MSI2: variants seen among roughly 807,000 people sequenced by gnomAD.
MSI2 encodes musashi RNA binding protein 2.
Under a neutral mutation model 45.6 loss-of-function variants are expected in MSI2, and 17 were observed. The ratio of observed to expected loss-of-function variants is 0.37; its 90% confidence interval spans 0.26 to 0.56. The LOEUF (loss-of-function observed/expected upper bound fraction) is 0.56. Among genes scored for constraint, MSI2 ranks in the 20% least tolerant of loss-of-function variants. The pLI is 0.77. For missense variants in MSI2, 293 were observed against 444.2 expected (o/e 0.66, Z 3.06); for synonymous variants, 156 against 158.2 (o/e 0.99, Z 0.11).
At chr17:57,566,044 C>G (rs1326615663) in intron 7 of MSI2, 1 of 152,160 alleles carries the variant, frequency 6.6e-6, no homozygotes, top group African/African-American at 2.4e-5. Flanking sequence ...CAAGAGAAAT[C>G]GGGGGCTGTG....
At chr17:57,325,721 G>A (rs1312606036) in intron 5 of MSI2, among the ~76,000 whole-genome samples, 5 of 152,196 alleles carry the variant, frequency 3.3e-5, no homozygotes, top group Non-Finnish European at 7.3e-5. Flanking sequence ...TCCTCTGCCT[G>A]TCCATTTACC....
chr17:57,679,643 T>C lies in MSI2; in HGVS notation c.*126T>C. Reference sequence around the variant, plus strand: ...AGACCTGGACCCCCACCAGCCTCACTCCCCATCCCAACCAGAGATGGCTCA... The same window carrying C: ...AGACCTGGACCCCCACCAGCCTCACCCCCCATCCCAACCAGAGATGGCTCA... On this transcript the variant is annotated 3_prime_UTR_variant, in exon 14 of 14. Transcript: ENST00000284073. 9.4e-7 allele frequency: 1 copy of C among 1,060,404 alleles called. No homozygotes were observed. The highest frequency in any genetic ancestry group is 1.1e-6 in the Non-Finnish European group (1 of 874,848). 65.7% of individuals were successfully genotyped at this position (1,060,404 alleles called of 1,614,324 possible).
intron 11 of MSI2, among the ~76,000 whole-genome samples, chr17:57,655,293 G>T (rs1911511839): frequency 6.6e-6 from 1 of 152,150 alleles, no homozygotes; most frequent in Non-Finnish European, 1.5e-5. Context: ...TCGAGAGTTT[G>T]TTTGTTTATT....
At chr17:57,442,282 G>A (rs1252403375) in intron 6 of MSI2, among the ~76,000 whole-genome samples, 2 of 152,130 alleles carry the variant, frequency 1.3e-5, no homozygotes, top group African/African-American at 2.4e-5. Context: ...TGATCTGCCC[G>A]CCTCAGCCTC....
chr17:57,343,505 T>G (rs528596977), intron 5 of MSI2, among the ~76,000 whole-genome samples: 1 of 152,274 alleles, frequency 6.6e-6, no homozygotes, highest in Admixed American at 6.5e-5. Context: ...AGGGAATAAT[T>G]GTACGCATTG....
chr17:57,279,511 C>T (rs561528505), intron 5 of MSI2: 2 of 152,404 alleles, frequency 1.3e-5, no homozygotes, highest in Non-Finnish European at 2.9e-5. Context: ...CAACAAATGT[C>T]TGGAGCTCCA....
At chr17:57,502,636 T>TAGAGAGAG (rs1439981218) in intron 6 of MSI2, among the ~76,000 whole-genome samples, 12 of 96,920 alleles carry the variant, frequency 1.2e-4, no homozygotes, top group Non-Finnish European at 1.9e-4. Flanking sequence ...TATATATATA[T>TAGAGAGAG]AGTCATCATT....
chr17:57,651,296 C>T (rs1042529757), intron 10 of MSI2, among the ~76,000 whole-genome samples: 4 of 152,218 alleles, frequency 2.6e-5, no homozygotes, highest in South Asian at 2.1e-4. Flanking sequence ...TCCAGGGACC[C>T]GTAGGAGACC....
chr17:57,572,357 G>A (rs1448530859), intron 7 of MSI2, among the ~76,000 whole-genome samples: 1 of 152,214 alleles, frequency 6.6e-6, no homozygotes, highest in Non-Finnish European at 1.5e-5. Flanking sequence ...GTGAGGACTT[G>A]CCATAGAAGC....
intron 6 of MSI2, among the ~76,000 whole-genome samples, chr17:57,520,820 A>AT (rs2086567979): frequency 3.1e-5 from 2 of 64,838 alleles, no homozygotes; most frequent in South Asian, 9.9e-4. Context: ...CACCCAACTA[A>AT]ATTTTTTTTT....
chr17:57,701,022 G>A, the MSI2 span, among the ~76,000 whole-genome samples: 6 of 152,170 alleles, frequency 3.9e-5, no homozygotes, highest in African/African-American at 1.4e-4. Context: ...GATGAGAATT[G>A]TCCTCCCCGG....
At chr17:57,643,075 GAC>G (rs1172941247) in intron 10 of MSI2, among the ~76,000 whole-genome samples, 2 of 152,174 alleles carry the variant, frequency 1.3e-5, no homozygotes, top group Non-Finnish European at 2.9e-5. Context: ...TTGCACCTCA[GAC>G]AGATTATATC....
chr17:57,640,546 A>G (rs1423782166), intron 10 of MSI2, among the ~76,000 whole-genome samples: 4 of 152,236 alleles, frequency 2.6e-5, no homozygotes, highest in African/African-American at 2.4e-5. Flanking sequence ...GCCCAACGCC[A>G]TCATCTCACT....
intron 6 of MSI2, among the ~76,000 whole-genome samples, chr17:57,437,782 T>A (rs1167240146): frequency 6.6e-6 from 1 of 152,160 alleles, no homozygotes; most frequent in African/African-American, 2.4e-5. Context: ...CCAAAATAAG[T>A]TAGTATCCTG....
intron 6 of MSI2, among the ~76,000 whole-genome samples, chr17:57,493,216 C>T (rs1200908677): frequency 1.3e-5 from 2 of 152,144 alleles, no homozygotes; most frequent in Non-Finnish European, 2.9e-5. Context: ...CCTGTGGTTG[C>T]CTTTCAGCAG....
At chr17:57,651,539 T>G (rs1188447679) in intron 10 of MSI2, among the ~76,000 whole-genome samples, 4 of 152,214 alleles carry the variant, frequency 2.6e-5, no homozygotes, top group Non-Finnish European at 4.4e-5. Context: ...TGCTGCTGAC[T>G]TCATGTTTTG....
chr17:57,349,331 C>A (rs1441277316), intron 5 of MSI2, among the ~76,000 whole-genome samples: 1 of 152,144 alleles, frequency 6.6e-6, no homozygotes. Context: ...GCGCTTCCAT[C>A]CCTGAGCTCA....
At chr17:57,260,580 TG>T (rs1236505313) in intron 4 of MSI2, among the ~76,000 whole-genome samples, 4 of 152,180 alleles carry the variant, frequency 2.6e-5, no homozygotes, top group Non-Finnish European at 5.9e-5. Context: ...AATCCACACC[TG>T]TTGTATTTCT....
chr17:57,652,289 G>A lies in MSI2; in HGVS notation c.790+128G>A. On this transcript the variant is annotated intron_variant, in intron 11 of 13. Coordinates refer to ENST00000284073, the MANE Select transcript of MSI2 (RefSeq NM_138962.4). The surrounding 1 kb of genome is among the most constrained non-coding windows in gnomAD (Gnocchi z 4.1). Reference sequence around the variant, plus strand: ...CTCTCACCACAGCCCCGGGGAGGGGGTGGACGGGGAGGGGGTGGACCGGGA... The same window carrying A: ...CTCTCACCACAGCCCCGGGGAGGGGATGGACGGGGAGGGGGTGGACCGGGA... 1.0e-6 allele frequency: 1 copy of A among 993,830 alleles called. No individual in the cohort carries two copies. Among genetic ancestry groups the A allele is most frequent in the South Asian group, 1.5e-5 (1 of 65,406 alleles). The allele number at this position is 993,830 out of a possible 1,614,324, so 61.6% of individuals were successfully genotyped here.
Sources: gnomAD v4.1 joint callset for allele counts (sites outside exome capture counted in the v4.1 genomes callset) on GRCh38, gnomAD v4.1.1 for gene constraint, Gnocchi (gnomAD v3.1) non-coding constraint, MANE v1.5 for transcripts, NCBI Gene and HGNC (gene_info 2026-07-23, HGNC 2026-07-21) for gene names.